Variants in MICALL2 observed in about 807,000 individuals in gnomAD.
MICALL2 encodes the protein MICAL like 2.
A neutral mutation model predicts 91.1 loss-of-function variants in MICALL2; 111 were observed. The observed-to-expected ratio is 1.22, with a 90% CI of 1.04 to 1.43. The LOEUF is 1.43. Ranked by LOEUF, MICALL2 falls within the 40% of genes most tolerant of loss-of-function variation. MICALL2 has a pLI of 0.00. For missense variants in MICALL2, 1,556 were observed against 1,236.0 expected, an observed-to-expected ratio of 1.26 and a Z score of -3.88; for synonymous variants, 694 against 525.3, an observed-to-expected ratio of 1.32 and a Z score of -4.39.
chr7:1,442,186 A>G lies in MICALL2; in HGVS notation c.1711+6T>C, dbSNP rs747074840. 6.2e-7 allele frequency: 1 copy of G among 1,611,592 alleles called. No homozygotes were observed. The highest frequency in any genetic ancestry group is 2.2e-5 in the East Asian group (1 of 44,844). Reference sequence around the variant, plus strand: ...GGGGCCTCCTGCCTCCCAGCCCCTTACTCACCCTGCGTTAAGGTGGTGCTT... The same window carrying G: ...GGGGCCTCCTGCCTCCCAGCCCCTTGCTCACCCTGCGTTAAGGTGGTGCTT... On this transcript the variant is annotated splice_donor_region_variant and intron_variant, in intron 7 of 16. Coordinates refer to ENST00000297508, the MANE Select transcript of MICALL2 (RefSeq NM_182924.4).
chr7:1,448,760 G>A lies in MICALL2; in HGVS notation c.194C>T (p.Ala65Val). 6.2e-7 allele frequency: 1 copy of A among 1,612,488 alleles called. No individual in the cohort carries two copies. Among genetic ancestry groups the A allele is most frequent in the Non-Finnish European group, 8.5e-7 (1 of 1,179,848 alleles). ...CAAGTGCTCCTCGGCCACGCGGAAG[G>A]CCTGCGAAAGGTGGGAGGGGGTCAG... is the stretch of plus-strand genomic sequence containing the variant. ...KENIYENNKL[A>V]FRVAEEHLGI... Residue 65 changes from alanine (A) to valine (V), a missense_variant and splice_region_variant, in exon 3 of 17, where the codon GCC (alanine) becomes GTC (valine). Coordinates refer to ENST00000297508, the MANE Select transcript of MICALL2 (RefSeq NM_182924.4).
chr7:1,455,155 A>T, intron 1 of MICALL2, among the ~76,000 whole-genome samples: 1 of 152,248 alleles, frequency 6.6e-6, no homozygotes, highest in East Asian at 1.9e-4. Flanking sequence ...CCCAGCCCAG[A>T]CACGCTGTGC....
At chr7:1,450,818 C>A (rs1049758955) in intron 1 of MICALL2, among the ~76,000 whole-genome samples, 1 of 152,222 alleles carries the variant, frequency 6.6e-6, no homozygotes, top group Non-Finnish European at 1.5e-5. Flanking sequence ...CCTCGTCCCA[C>A]ACATCATCGC....
At chr7:1,437,513 G>A in intron 14 of MICALL2, 22 bp downstream of exon 14, 2 of 1,504,926 alleles carry the variant, frequency 1.3e-6, no homozygotes, top group South Asian at 1.2e-5. Context: ...GGGGCCCCTT[G>A]GCTGGCGCGC....
chr7:1,443,655 C>T (rs1780419915), intron 6 of MICALL2, among the ~76,000 whole-genome samples: 1 of 152,148 alleles, frequency 6.6e-6, no homozygotes, highest in Non-Finnish European at 1.5e-5. Context: ...AGAGAGAAGG[C>T]CACATGGAAA....
Position 1,438,115 on chromosome 7 carries a change from G to T in MICALL2, c.2293C>A (p.Leu765Met). ...ELRGVELEKR[L>M]RAAEGDDAED... is the part of the protein sequence containing the mutation. The stretch of plus-strand genomic sequence containing the variant: ...CGCTCACCTCCCTCGGCCGCCCGCA[G>T]TCGCTTCTCCAGCTCCACGCCGCGG... Residue 765 changes from leucine to methionine, a missense_variant, in exon 12 of 17, where the codon CTG (leucine) becomes ATG (methionine). By Grantham distance (15) the Leu-to-Met change is conservative. Coordinates refer to ENST00000297508, the MANE Select transcript of MICALL2 (RefSeq NM_182924.4). 6.4e-7 allele frequency: 1 copy of T among 1,564,302 alleles called. No individual in the cohort carries two copies.
At chr7:1,446,046 CGGGGGCACTG>C (rs1023325000) in intron 5 of MICALL2, among the ~76,000 whole-genome samples, 1 of 117,700 alleles carries the variant, frequency 8.5e-6, no homozygotes, top group African/African-American at 3.5e-5. Context: ...GGCATCTGGA[CGGGGGCACTG>C]GGGGACACTG....
intron 1 of MICALL2, among the ~76,000 whole-genome samples, chr7:1,456,361 G>A (rs1781016185): frequency 6.6e-6 from 1 of 152,202 alleles, no homozygotes; most frequent in Non-Finnish European, 1.5e-5. Flanking sequence ...GAGGGCAGAT[G>A]GATCACTTGA....
intron 13 of MICALL2, 89 bp downstream of exon 13, chr7:1,437,801 C>G (rs1235644967): frequency 3.7e-6 from 5 of 1,343,942 alleles, no homozygotes; most frequent in Non-Finnish European, 5.2e-6. Flanking sequence ...CATCTGAGGC[C>G]TGACTCTGCG....
intron 13 of MICALL2, 101 bp from the exon 14 acceptor site, chr7:1,437,709 A>T (rs1353964091): frequency 1.6e-6 from 2 of 1,263,976 alleles, no homozygotes; most frequent in African/African-American, 1.9e-5. Context: ...CACAGACACG[A>T]GTCTGAGGCC....
intron 10 of MICALL2, chr7:1,438,581 C>T: frequency 1.4e-6 from 2 of 1,422,934 alleles, no homozygotes; most frequent in Non-Finnish European, 1.8e-6. Flanking sequence ...TCAGCAACAC[C>T]CCAGCCACCC....
At chr7:1,434,893 C>T in intron 16 of MICALL2, 1 of 713,338 alleles carries the variant, frequency 1.4e-6, no homozygotes, top group Admixed American at 2.8e-5. Context: ...TCACCAGCTG[C>T]CCCTGGCTCT....
chr7:1,447,861 G>GC, intron 3 of MICALL2, 96 bp from the exon 4 acceptor site: 1 of 979,768 alleles, frequency 1.0e-6, no homozygotes, highest in South Asian at 2.2e-5. Flanking sequence ...AGGCCTTGGT[G>GC]CCCGGGGGGG....
chr7:1,439,121 T>C lies in MICALL2; in HGVS notation c.1967-126A>G, dbSNP rs543790085. ...ATCCCCATGCCCTGGGCCTCCCGAC[T>C]GGCACAGGGTTGGCATCACAAGCCC... On this transcript the variant is annotated intron_variant, in intron 9 of 16. Transcript: ENST00000297508. The C allele has an allele frequency of 6.3e-5, 47 of 751,028 alleles. No individual in the cohort carries two copies. The South Asian group carries it at 7.9e-4, about 13-fold the overall frequency. 46.5% of individuals were successfully genotyped at this position (751,028 alleles called of 1,614,324 possible). A position where few individuals can be genotyped will look rare whatever the true frequency, so the allele number is the denominator to read the frequency against.
Position 1,438,080 on chromosome 7 carries a change from C to G in MICALL2, c.2311+17G>C. 1 of 1,570,840 alleles carries G rather than the reference C, an allele frequency of 6.4e-7. No individual in the cohort carries two copies. The highest frequency in any genetic ancestry group is 8.6e-7 in the Non-Finnish European group (1 of 1,159,462). ...TGTGGGAGTCGGGCTGGCCCAGGGC[C>G]AGGCCGAGGCGCTCACCTCCCTCGG... On this transcript the variant is annotated intron_variant, in intron 12 of 16. Transcript: ENST00000297508.
chr7:1,449,230 C>G (rs868341821), intron 2 of MICALL2, among the ~76,000 whole-genome samples: 2 of 152,362 alleles, frequency 1.3e-5, no homozygotes, highest in Middle Eastern at 3.4e-3. Flanking sequence ...CCGTCCAGCC[C>G]AGCAGCCGCC....
chr7:1,450,143 G>A (rs990998850), intron 2 of MICALL2, 97 bp downstream of exon 2: 9 of 919,700 alleles, frequency 9.8e-6, no homozygotes, highest in Non-Finnish European at 1.6e-5. Flanking sequence ...CCCAAGGCAG[G>A]TGCAGGGCCT....
At chr7:1,453,172 G>A (rs965712510) in intron 1 of MICALL2, among the ~76,000 whole-genome samples, 2 of 152,130 alleles carry the variant, frequency 1.3e-5, no homozygotes, top group African/African-American at 2.4e-5. Flanking sequence ...ACACATTGGA[G>A]CCCTAACCTC....
intron 10 of MICALL2, 188 bp from the exon 11 acceptor site, chr7:1,438,541 G>C: frequency 7.0e-7 from 1 of 1,431,810 alleles, no homozygotes; most frequent in African/African-American, 1.4e-5. Context: ...TCCAGGCCCA[G>C]CCCCACCCTG....
Sources: gnomAD v4.1 joint callset for allele counts (sites outside exome capture counted in the v4.1 genomes callset) on GRCh38, gnomAD v4.1.1 for gene constraint, MANE v1.5 for transcripts, NCBI Gene and HGNC (gene_info 2026-07-23, HGNC 2026-07-21) for gene names.